TSPAN16: variants seen among roughly 807,000 people sequenced by gnomAD.
TSPAN16 encodes the protein tetraspanin 16, also known as tetraspanin-16.
A neutral mutation model predicts 25.2 loss-of-function variants in TSPAN16; 23 were observed. That is an observed-to-expected ratio of 0.91 (90% CI 0.66 to 1.29). The LOEUF (loss-of-function observed/expected upper bound fraction) is 1.29. Among genes scored for constraint, TSPAN16 ranks in the 50% most tolerant of loss-of-function variants. The pLI is 0.00. For synonymous variants in TSPAN16, 123 were observed against 124.4 expected (o/e 0.99, Z 0.08); for missense variants, 272 against 299.9 (o/e 0.91, Z 0.69).
chr19:11,296,374 T>C lies in TSPAN16; in HGVS notation c.69+8T>C, dbSNP rs369062040. The C allele has an allele frequency of 6.2e-7, 1 of 1,613,934 alleles. No homozygotes were observed. The highest frequency in any genetic ancestry group is 8.5e-7 in the Non-Finnish European group (1 of 1,179,926). ...CTCAATGGCTTCGTGGCTGTAAGTA[T>C]GTCACAATCCAGGCCCCTGGTTTGT... On this transcript the variant is annotated splice_region_variant and intron_variant, in intron 1 of 6. Coordinates refer to ENST00000590327, the MANE Select transcript of TSPAN16 (RefSeq NM_001282509.2).
intron 6 of TSPAN16, chr19:11,325,427 C>T (rs1216306306): frequency 1.2e-6 from 2 of 1,602,084 alleles, no homozygotes; most frequent in South Asian, 2.2e-5. Context: ...GGCTGGGGGG[C>T]TGGAGCATCC....
chr19:11,326,194 C>A (rs2080811626), intron 6 of TSPAN16, among the ~76,000 whole-genome samples: 3 of 151,276 alleles, frequency 2.0e-5, no homozygotes, highest in Non-Finnish European at 2.9e-5. Context: ...TGTACTCCAG[C>A]CTGGGCAACA....
chr19:11,310,149 A>T (rs1194811756), intron 5 of TSPAN16, among the ~76,000 whole-genome samples: 2 of 152,058 alleles, frequency 1.3e-5, no homozygotes, highest in Non-Finnish European at 2.9e-5. Flanking sequence ...GAACAGTGAC[A>T]ACAGCAAGTT....
intron 1 of TSPAN16, 91 bp from the exon 2 acceptor site, chr19:11,298,051 G>C (rs1485220960): frequency 7.2e-7 from 1 of 1,382,472 alleles, no homozygotes; most frequent in East Asian, 2.3e-5. Flanking sequence ...CAAAGTGCTG[G>C]GATTACAGGC....
At chr19:11,298,779 C>G (rs568138211) in intron 2 of TSPAN16, 93 bp from the exon 3 acceptor site, 4 of 1,259,344 alleles carry the variant, frequency 3.2e-6, no homozygotes, top group Admixed American at 3.4e-5. Flanking sequence ...GGTGGAGGGT[C>G]GGGGGAACAG....
At chr19:11,309,972 T>C (rs2080672209) in intron 5 of TSPAN16, among the ~76,000 whole-genome samples, 1 of 152,138 alleles carries the variant, frequency 6.6e-6, no homozygotes, top group East Asian at 1.9e-4. Context: ...TGTGGTGTTG[T>C]TGCACACCTG....
chr19:11,315,235 C>CAATAATAATAATAATAAT (rs58115943), intron 6 of TSPAN16, among the ~76,000 whole-genome samples: 5 of 124,742 alleles, frequency 4.0e-5, no homozygotes, highest in South Asian at 2.7e-4. Flanking sequence ...GACTCCTTCT[C>CAATAATAATAATAATAAT]AATAATAATA....
chr19:11,311,210 A>T (rs1172032695), intron 5 of TSPAN16, among the ~76,000 whole-genome samples: 1 of 152,198 alleles, frequency 6.6e-6, no homozygotes, highest in Non-Finnish European at 1.5e-5. Context: ...ATCTCGGCTC[A>T]CTACAACCTC....
At chr19:11,298,421 G>C in intron 2 of TSPAN16, 82 bp downstream of exon 2, 2 of 1,396,654 alleles carry the variant, frequency 1.4e-6, no homozygotes, top group Non-Finnish European at 1.9e-6. Flanking sequence ...AAACAACTTT[G>C]CTTGGTGTCA....
At chr19:11,319,683 G>A (rs558273894), downstream of TSPAN16, among the ~76,000 whole-genome samples, 2 of 152,162 alleles carry the variant, frequency 1.3e-5, no homozygotes, top group Non-Finnish European at 2.9e-5. Flanking sequence ...GATAAAGAGG[G>A]CAATGTGTGG....
At chr19:11,302,671 A>ATG (rs538543877) in intron 4 of TSPAN16, among the ~76,000 whole-genome samples, 3 of 126,384 alleles carry the variant, frequency 2.4e-5, no homozygotes, top group African/African-American at 1.3e-4. Flanking sequence ...ATATATATAT[A>ATG]TATATATACA....
intron 4 of TSPAN16, among the ~76,000 whole-genome samples, chr19:11,301,828 ATT>A (rs34234134): frequency 6.9e-6 from 1 of 144,864 alleles, no homozygotes. Context: ...ATCGTTTAAC[ATT>A]TTTTTTTTTT....
chr19:11,312,122 G>A lies in TSPAN16; in HGVS notation c.604-17G>A, dbSNP rs754679131. 3.7e-5 allele frequency: 60 copies of A among 1,604,808 alleles called. No individual in the cohort carries two copies. The highest frequency in any genetic ancestry group is 4.4e-4 in the Middle Eastern group (2 of 4,502). The stretch of plus-strand genomic sequence containing the variant: ...CCCCTAACCACCTCCTGCTTGTTTT[G>A]GTGTTTGTTTCCTCAGGGCTGTTTC... On this transcript the variant is annotated splice_polypyrimidine_tract_variant and intron_variant, in intron 5 of 6. Coordinates refer to ENST00000590327, the MANE Select transcript of TSPAN16 (RefSeq NM_001282509.2).
intron 5 of TSPAN16, among the ~76,000 whole-genome samples, chr19:11,311,033 C>T (rs115981658): frequency 0.018 from 2,739 of 152,158 alleles, 74 homozygotes; most frequent in African/African-American, 0.063. Flanking sequence ...GACGGGGTTT[C>T]GCTACGTTGT....
intron 4 of TSPAN16, among the ~76,000 whole-genome samples, chr19:11,303,572 TAAATTAAAA>T (rs1161526777): frequency 1.3e-5 from 1 of 76,350 alleles, no homozygotes; most frequent in Non-Finnish European, 2.6e-5. Context: ...AATAAATAAA[TAAATTAAAA>T]AAAAAAAAAA....
rs1196505212 is a variant in TSPAN16 at position 11,306,667 on chromosome 19, G to A, written c.514G>A (p.Gly172Ser). 1 of 1,613,932 alleles carries A rather than the reference G, an allele frequency of 6.2e-7. No individual in the cohort carries two copies. Among genetic ancestry groups the A allele is most frequent in the South Asian group, 1.1e-5 (1 of 91,060 alleles). The change falls in exon 5 of 7, where the codon GGC becomes AGC. Residue 172 changes from glycine (G) to serine (S), a missense_variant. Transcript: ENST00000590327. Reference protein sequence around the residue: ...FSGSSFEMTTGHTYPRSCCKS... With the variant: ...FSGSSFEMTTSHTYPRSCCKS... ...TGGCTCTTCCTTCGAAATGACAACG[G>A]GCCACACCTACCCCAGGAGTTGCTG...
At chr19:11,306,832 T>G (rs1034464488) in intron 5 of TSPAN16, 76 bp downstream of exon 5, 3 of 1,443,396 alleles carry the variant, frequency 2.1e-6, no homozygotes, top group Non-Finnish European at 2.8e-6. Context: ...TATCTTATTT[T>G]GAGAAAGAGT....
Position 11,310,263 on chromosome 19 carries a change from C to T in TSPAN16, c.604-1876C>T, listed in dbSNP as rs942737348. Among the ~76,000 whole-genome samples the T allele has an allele frequency of 2.6e-5, 4 of 151,694 alleles. No individual in the cohort carries two copies. The East Asian group carries it at 5.8e-4, about 22-fold the overall frequency. ...GAAGAAGGCCGGGTGTGGTGGCTCA[C>T]GCCTGTAGTCCCAGCACTTTGGGAG... On this transcript the variant is annotated intron_variant, in intron 5 of 6. Transcript: ENST00000590327.
chr19:11,299,373 C>A (rs1356315670), intron 3 of TSPAN16, among the ~76,000 whole-genome samples: 1 of 152,100 alleles, frequency 6.6e-6, no homozygotes, highest in African/African-American at 2.4e-5. Context: ...AGGGGCCCAT[C>A]ACACGTGCCA....
Sources: gnomAD v4.1 joint callset for allele counts (sites outside exome capture counted in the v4.1 genomes callset) on GRCh38, gnomAD v4.1.1 for gene constraint, MANE v1.5 for transcripts, NCBI Gene and HGNC (gene_info 2026-07-23, HGNC 2026-07-21) for gene names.